The following GABRG3 variants were observed in gnomAD, a reference collection of about 807,000 sequenced individuals.
The protein encoded by GABRG3 is gamma-aminobutyric acid receptor subunit gamma-3.
Under a neutral mutation model 48.8 loss-of-function variants are expected in GABRG3, and 25 were observed. The observed-to-expected ratio is 0.51, with a 90% CI of 0.37 to 0.72. GABRG3 has a LOEUF of 0.72. Among genes scored for constraint, GABRG3 ranks in the 30% least tolerant of loss-of-function variants. The pLI is 0.00. For synonymous variants in GABRG3, 227 were observed against 217.6 expected (o/e 1.04, Z -0.38); for missense variants, 394 against 577.9 (o/e 0.68, Z 3.26).
intron 3 of GABRG3, among the ~76,000 whole-genome samples, chr15:27,074,248 A>G (rs992216145): frequency 6.6e-6 from 1 of 152,154 alleles, no homozygotes; most frequent in African/African-American, 2.4e-5. Flanking sequence ...TTGGGTGAGG[A>G]CACAGAGCCA....
chr15:27,387,366 G>A (rs1323071959), intron 5 of GABRG3, among the ~76,000 whole-genome samples: 1 of 152,036 alleles, frequency 6.6e-6, no homozygotes, highest in Non-Finnish European at 1.5e-5. Context: ...AAATGGGTTA[G>A]TTTTTGAGTG....
chr15:27,042,467 G>A (rs1171404621), intron 3 of GABRG3, among the ~76,000 whole-genome samples: 1 of 152,200 alleles, frequency 6.6e-6, no homozygotes, highest in Admixed American at 6.5e-5. Context: ...CAAGGGGCCT[G>A]GCGGCCCTCT....
intron 3 of GABRG3, among the ~76,000 whole-genome samples, chr15:27,259,117 A>G (rs1385669086): frequency 1.3e-5 from 2 of 152,172 alleles, no homozygotes; most frequent in Non-Finnish European, 2.9e-5. Flanking sequence ...TGTATACACC[A>G]CATTTTCTTT....
chr15:27,500,282 T>C (rs748224495), intron 6 of GABRG3, among the ~76,000 whole-genome samples: 10 of 152,112 alleles, frequency 6.6e-5, no homozygotes, highest in Non-Finnish European at 1.3e-4. Context: ...CAGCAGGCAC[T>C]GTTGCTAGAG....
At chr15:27,076,869 A>C (rs979159286) in intron 3 of GABRG3, among the ~76,000 whole-genome samples, 2 of 152,202 alleles carry the variant, frequency 1.3e-5, no homozygotes, top group Non-Finnish European at 2.9e-5. Context: ...TCTGGTGTCC[A>C]GAGCTGTGAG....
chr15:27,338,232 G>A (rs146367107), intron 5 of GABRG3, among the ~76,000 whole-genome samples: 1 of 152,226 alleles, frequency 6.6e-6, no homozygotes, highest in East Asian at 1.9e-4. Context: ...ATCACCTGCT[G>A]CTTTTGATAC....
At chr15:27,124,531 C>T (rs1897785263) in intron 3 of GABRG3, among the ~76,000 whole-genome samples, 1 of 152,194 alleles carries the variant, frequency 6.6e-6, no homozygotes, top group South Asian at 2.1e-4. Flanking sequence ...GAGGGAGAGA[C>T]GATGATGCCC....
intron 5 of GABRG3, among the ~76,000 whole-genome samples, chr15:27,335,244 G>T (rs950094136): frequency 7.1e-6 from 1 of 140,694 alleles, no homozygotes; most frequent in Admixed American, 7.0e-5. Context: ...AGTTCTTACG[G>T]GTATATTCCT....
In GABRG3 at chr15:27,042,260, CT is replaced by C. The variant is rs149702171; in HGVS notation, c.270+15441del. Among the ~76,000 whole-genome samples the C allele has an allele frequency of 2.6e-3, 401 of 152,320 alleles. 1 individual carries two copies. Among genetic ancestry groups the C allele is most frequent in the African/African-American group, 9.1e-3 (377 of 41,576 alleles). On this transcript the variant is annotated intron_variant, in intron 3 of 9. Transcript: ENST00000615808. Reference sequence around the variant, plus strand: ...TCCCCACCCTTCGTTCCTCTAAAGACTTACACAGGAGCCAAGCATATGAAAT... The same window carrying C: ...TCCCCACCCTTCGTTCCTCTAAAGACTACACAGGAGCCAAGCATATGAAAT...
chr15:27,306,973 A>ACATAGAATATAAACATGTT (rs1566769517), intron 3 of GABRG3, among the ~76,000 whole-genome samples: 1 of 115,672 alleles, frequency 8.6e-6, no homozygotes, highest in Non-Finnish European at 1.7e-5. Context: ...ATATATAAAC[A>ACATAGAATATAAACATGTT]TATATAATAT....
chr15:27,341,175 A>T (rs1331310700), intron 5 of GABRG3, among the ~76,000 whole-genome samples: 1 of 152,094 alleles, frequency 6.6e-6, no homozygotes, highest in Non-Finnish European at 1.5e-5. Context: ...TACTAGTGCG[A>T]TGGTGTAGGA....
chr15:27,500,466 C>G (rs775835861), intron 6 of GABRG3, among the ~76,000 whole-genome samples: 1 of 152,164 alleles, frequency 6.6e-6, no homozygotes, highest in Non-Finnish European at 1.5e-5. Flanking sequence ...CAGAAACAGC[C>G]GCACCTGTCA....
chr15:27,134,458 G>A (rs1164609599), intron 3 of GABRG3, among the ~76,000 whole-genome samples: 2 of 152,132 alleles, frequency 1.3e-5, no homozygotes. Flanking sequence ...CCACCATGGT[G>A]ACTCTCCGCT....
At chr15:27,189,214 C>G (rs1289113111) in intron 3 of GABRG3, among the ~76,000 whole-genome samples, 1 of 151,530 alleles carries the variant, frequency 6.6e-6, no homozygotes, top group African/African-American at 2.4e-5. Flanking sequence ...GATGCGGGCT[C>G]TTTTTTGGTT....
chr15:27,147,151 C>T (rs1475558703), intron 3 of GABRG3, among the ~76,000 whole-genome samples: 1 of 151,830 alleles, frequency 6.6e-6, no homozygotes, highest in African/African-American at 2.4e-5. Context: ...TAATCTTGGA[C>T]AAAGTAGACT....
At chr15:27,090,046 T>C (rs1026339276) in intron 3 of GABRG3, among the ~76,000 whole-genome samples, 1 of 152,212 alleles carries the variant, frequency 6.6e-6, no homozygotes, top group Non-Finnish European at 1.5e-5. Flanking sequence ...TGTTTTCAGT[T>C]CTTTTGTGTA....
intron 3 of GABRG3, among the ~76,000 whole-genome samples, chr15:27,062,490 C>CTG (rs1896667469): frequency 6.9e-6 from 1 of 145,062 alleles, no homozygotes; most frequent in African/African-American, 2.5e-5. Context: ...TGCCTGTAAT[C>CTG]CCAGCTACTC....
chr15:27,380,028 A>G (rs911535169), intron 5 of GABRG3, among the ~76,000 whole-genome samples: 2 of 150,106 alleles, frequency 1.3e-5, no homozygotes, highest in Admixed American at 1.3e-4. Flanking sequence ...TGTGTTATAC[A>G]TTTTATAATT....
intron 3 of GABRG3, among the ~76,000 whole-genome samples, chr15:27,325,854 G>A (rs967812784): frequency 6.6e-5 from 10 of 152,160 alleles, no homozygotes; most frequent in African/African-American, 2.4e-4. Flanking sequence ...GTAAATATGA[G>A]ATTTGTTGAG....
Sources: gnomAD v4.1 joint callset for allele counts (sites outside exome capture counted in the v4.1 genomes callset) on GRCh38, gnomAD v4.1.1 for gene constraint, MANE v1.5 for transcripts, NCBI Gene and HGNC (gene_info 2026-07-23, HGNC 2026-07-21) for gene names.